THSD4: variants seen among roughly 807,000 people sequenced by gnomAD.
THSD4 encodes thrombospondin type 1 domain containing 4, also known as thrombospondin type-1 domain-containing protein 4.
In THSD4, 69 loss-of-function variants were observed where a neutral mutation model predicts 119.0. The ratio of observed to expected loss-of-function variants is 0.58; its 90% CI spans 0.48 to 0.71. THSD4 has a LOEUF of 0.71. Among genes scored for constraint, THSD4 ranks in the 30% least tolerant of loss-of-function variants. The pLI, the probability that THSD4 is intolerant of heterozygous loss-of-function variation, is 0.00. For synonymous variants in THSD4, 524 were observed against 540.4 expected (o/e 0.97, Z 0.42); for missense variants, 1,393 against 1,391.1 (o/e 1.00, Z -0.02).
At chr15:71,534,375 G>A (rs1028356621) in intron 7 of THSD4, among the ~76,000 whole-genome samples, 3 of 152,136 alleles carry the variant, frequency 2.0e-5, no homozygotes, top group East Asian at 1.9e-4. Flanking sequence ...CCAGATGAAC[G>A]TAGCAACGTG....
chr15:71,422,180 G>A (rs2046817426), intron 7 of THSD4, among the ~76,000 whole-genome samples: 1 of 152,122 alleles, frequency 6.6e-6, no homozygotes, highest in African/African-American at 2.4e-5. Context: ...TGTTTGGTGA[G>A]GTCATGTTTT....
chr15:71,658,025 T>C (rs1321433940), intron 7 of THSD4, among the ~76,000 whole-genome samples: 1 of 152,162 alleles, frequency 6.6e-6, no homozygotes, highest in Non-Finnish European at 1.5e-5. Context: ...GCGACTCTCA[T>C]TCATTCTTGA....
chr15:71,602,472 A>G (rs11072307), intron 7 of THSD4, among the ~76,000 whole-genome samples: 96,493 of 148,362 alleles, frequency 0.65, 32,706 homozygotes, highest in East Asian at 0.99. Flanking sequence ...AGAATCTCTC[A>G]AACCCGGGAG....
rs1483790111 is a variant in THSD4, at chr15:71,778,879, G to A, written c.*1505G>A. On this transcript the variant is annotated 3_prime_UTR_variant, in exon 18 of 18. Transcript: ENST00000261862. ...GTGGACCCTCTGAAAACAGTTAAGA[G>A]GAATATATGTATGTTTTACCCATTA... The A allele has an allele frequency of 2.0e-5, 3 of 152,256 alleles. No homozygotes were observed. The highest frequency in any genetic ancestry group is 7.2e-5 in the African/African-American group (3 of 41,462). The allele number at this position is 152,256 out of a possible 1,614,324, so 9.4% of individuals were successfully genotyped here.
At chr15:71,318,500 A>G (rs990115142) in intron 6 of THSD4, among the ~76,000 whole-genome samples, 3 of 152,232 alleles carry the variant, frequency 2.0e-5, no homozygotes, top group Non-Finnish European at 4.4e-5. Flanking sequence ...AGCCCAGCAT[A>G]AAGGCTCCTG....
intron 6 of THSD4, among the ~76,000 whole-genome samples, chr15:71,377,894 A>ACCCACACACC (rs750108169): frequency 8.4e-6 from 1 of 118,620 alleles, no homozygotes; most frequent in Non-Finnish European, 1.7e-5. Context: ...ACACACACAC[A>ACCCACACACC]CACACACACA....
intron 7 of THSD4, among the ~76,000 whole-genome samples, chr15:71,621,829 T>C (rs978845659): frequency 1.5e-4 from 23 of 152,228 alleles, no homozygotes; most frequent in African/African-American, 5.5e-4. Flanking sequence ...AGAGGAGATA[T>C]TATTTTATTA....
rs34631960 is a variant in THSD4 at position 71,540,729 on chromosome 15, CTTTT to C, written c.1153-119787_1153-119784del. On this transcript the variant is annotated intron_variant, in intron 7 of 17. Coordinates refer to ENST00000261862, the MANE Select transcript of THSD4 (RefSeq NM_024817.3). Reference sequence around the variant, plus strand: ...GGCATGAGCCACTGCACCTGGCCTCCTTTTTTTTTTTTTTTTTAAACGAGTCTCT... The same window carrying C: ...GGCATGAGCCACTGCACCTGGCCTCCTTTTTTTTTTTTTAAACGAGTCTCT... 9.3e-4 allele frequency among the ~76,000 whole-genome samples: 103 copies of C among 110,268 alleles called. 1 individual carries two copies. The highest frequency in any genetic ancestry group is 6.0e-3 in the Middle Eastern group (1 of 168). The allele number at this position is 110,268 out of a possible 152,430, so 72.3% of individuals were successfully genotyped here. A position where few individuals can be genotyped will look rare whatever the true frequency, so the allele number is the denominator to read the frequency against.
chr15:71,292,095 G>A (rs2044800096), intron 6 of THSD4, among the ~76,000 whole-genome samples: 1 of 152,226 alleles, frequency 6.6e-6, no homozygotes, highest in African/African-American at 2.4e-5. Context: ...GGAAATCAGT[G>A]TTGGAAATCA....
intron 7 of THSD4, among the ~76,000 whole-genome samples, chr15:71,578,917 C>G (rs942608374): frequency 6.8e-6 from 1 of 148,008 alleles, no homozygotes; most frequent in African/African-American, 2.5e-5. Context: ...AATCTCGGCT[C>G]ACTGCAAGCT....
rs1195413080 is a variant in THSD4 at position 71,442,579 on chromosome 15, A to AAAAAAAAAATAT, written c.1152+30757_1152+30758insAAAAAAAATATA. 2.8e-4 allele frequency among the ~76,000 whole-genome samples: 11 copies of AAAAAAAAAATAT among 39,858 alleles called. 1 individual carries two copies. Among genetic ancestry groups the AAAAAAAAAATAT allele is most frequent in the African/African-American group, 8.1e-4 (11 of 13,612 alleles). 26.1% of individuals were successfully genotyped at this position (39,858 alleles called of 152,430 possible). ...GCAAAACTCCATCTCAAAAAAAAAA[A>AAAAAAAAAATAT]ATATATATATATATATATATATGTG... is the stretch of plus-strand genomic sequence containing the variant. On this transcript the variant is annotated intron_variant, in intron 7 of 17. Transcript: ENST00000261862.
intron 1 of THSD4, among the ~76,000 whole-genome samples, chr15:71,109,204 T>C (rs2141342963): frequency 6.6e-6 from 1 of 152,284 alleles, no homozygotes; most frequent in Non-Finnish European, 1.5e-5. Flanking sequence ...TGTTCTCTCA[T>C]CCTACCCAAG....
intron 8 of THSD4, among the ~76,000 whole-genome samples, chr15:71,684,481 C>G (rs867448138): frequency 6.0e-5 from 9 of 150,806 alleles, no homozygotes; most frequent in African/African-American, 1.5e-4. Context: ...ACATGCTCAT[C>G]ATTGGGGTAA....
chr15:71,295,381 G>GTTCA (rs1192780415), intron 6 of THSD4, among the ~76,000 whole-genome samples: 1 of 152,058 alleles, frequency 6.6e-6, no homozygotes, highest in Non-Finnish European at 1.5e-5. Context: ...CCCTTTCCTG[G>GTTCA]TTCAGTCAGG....
At chr15:71,474,614 G>C (rs1325394335) in intron 7 of THSD4, among the ~76,000 whole-genome samples, 1 of 152,144 alleles carries the variant, frequency 6.6e-6, no homozygotes, top group East Asian at 1.9e-4. Flanking sequence ...CACTTCTCCA[G>C]ATCTGTCAGC....
rs61075944 is a variant in THSD4, at chr15:71,628,723, C to T, written c.1153-31807C>T. The stretch of plus-strand genomic sequence containing the variant: ...AATCGAATCTTGATCTTGATGGAGA[C>T]GTTCAAGAGTCTTTGATTACAGATG... On this transcript the variant is annotated intron_variant, in intron 7 of 17. Transcript: ENST00000261862. Among the ~76,000 whole-genome samples, 6,873 of 152,248 alleles carry T rather than the reference C, an allele frequency of 0.045. 819 individuals are homozygous for T. In the East Asian group the frequency reaches 0.5, roughly 11 times the overall value.
At chr15:71,308,734 G>A (rs911200314) in intron 6 of THSD4, among the ~76,000 whole-genome samples, 7 of 152,010 alleles carry the variant, frequency 4.6e-5, no homozygotes, top group East Asian at 3.9e-4. Context: ...GCAAGTTATC[G>A]TGTGGCCTTG....
chr15:71,427,017 G>A (rs1162401287), intron 7 of THSD4, among the ~76,000 whole-genome samples: 1 of 152,018 alleles, frequency 6.6e-6, no homozygotes, highest in Non-Finnish European at 1.5e-5. Context: ...CTGTTCTTAG[G>A]ACCTCTTGAA....
chr15:71,209,435 AAAG>A (rs2043871268), intron 3 of THSD4, among the ~76,000 whole-genome samples: 1 of 152,182 alleles, frequency 6.6e-6, no homozygotes, highest in African/African-American at 2.4e-5. Flanking sequence ...AGTTTGTGTT[AAAG>A]TAGTTAGGGC....
Sources: allele counts gnomAD v4.1 joint callset (sites outside exome capture counted in the v4.1 genomes callset), GRCh38; gene constraint gnomAD v4.1.1; transcripts MANE v1.5; gene names NCBI Gene and HGNC (gene_info 2026-07-23, HGNC 2026-07-21).